Variants in XKR9 observed in about 807,000 individuals in gnomAD.
XKR9 encodes XK related 9.
Under a neutral mutation model 32.0 loss-of-function variants are expected in XKR9, and 32 were observed. The observed-to-expected ratio is 1.00, with a 90% CI of 0.76 to 1.34. The LOEUF (loss-of-function observed/expected upper bound fraction) is 1.34, where lower values mean the gene tolerates loss of function less well. XKR9 is among the 40% of genes most tolerant of loss of function. XKR9 has a pLI of 0.00. For synonymous variants in XKR9, 168 were observed against 143.4 expected (o/e 1.17, Z -1.22); for missense variants, 546 against 429.7 (o/e 1.27, Z -2.39).
chr8:70,905,406 C>T, the XKR9 span, among the ~76,000 whole-genome samples: 2 of 152,154 alleles, frequency 1.3e-5, no homozygotes, highest in Non-Finnish European at 2.9e-5. Flanking sequence ...TCCACTTGAT[C>T]AAATTGGCTA....
the XKR9 span, among the ~76,000 whole-genome samples, chr8:70,802,655 C>T: frequency 6.6e-6 from 1 of 152,170 alleles, no homozygotes; most frequent in Non-Finnish European, 1.5e-5. Context: ...CTTAAGGACA[C>T]ATTGTAAGGC....
the XKR9 span, among the ~76,000 whole-genome samples, chr8:70,867,297 AC>A: frequency 6.6e-6 from 1 of 152,080 alleles, no homozygotes. Flanking sequence ...ATTACCTCCC[AC>A]CAGGTCCCTC....
At chr8:70,840,917 A>G in the XKR9 span, among the ~76,000 whole-genome samples, 2 of 152,220 alleles carry the variant, frequency 1.3e-5, no homozygotes, top group Non-Finnish European at 2.9e-5. Flanking sequence ...ATCAAACTGA[A>G]AGATTAAAAG....
the XKR9 span, among the ~76,000 whole-genome samples, chr8:70,809,489 C>G: frequency 0.13 from 19,795 of 152,096 alleles, 1,687 homozygotes; most frequent in African/African-American, 0.24. Context: ...GATGATCATA[C>G]TACTCTGAGG....
the XKR9 span, among the ~76,000 whole-genome samples, chr8:70,811,602 AG>A: frequency 2.0e-5 from 3 of 152,196 alleles, no homozygotes; most frequent in African/African-American, 7.2e-5. Context: ...AAAATGATAA[AG>A]GGGATATTAC....
At chr8:70,887,628 A>C in the XKR9 span, among the ~76,000 whole-genome samples, 4 of 152,116 alleles carry the variant, frequency 2.6e-5, no homozygotes, top group African/African-American at 9.7e-5. Flanking sequence ...TTCTCCTTGA[A>C]GAGGTCCTTC....
In XKR9 at chr8:70,743,569, A is replaced by G. The variant is rs1290408588; in HGVS notation, n.352+36416A>G. 2.6e-5 allele frequency among the ~76,000 whole-genome samples: 4 copies of G among 152,120 alleles called. No individual in the cohort carries two copies. In the East Asian group the frequency reaches 7.7e-4, roughly 29 times the overall value. On this transcript the variant is annotated intron_variant and non_coding_transcript_variant, in intron 2 of 3. Transcript: ENST00000520273. Reference sequence around the variant, plus strand: ...CAGCAGGCAGTAACTTGAACTTTAAACTCTGAACTCTAAACAATCTTTATT... The same window carrying G: ...CAGCAGGCAGTAACTTGAACTTTAAGCTCTGAACTCTAAACAATCTTTATT...
At chr8:70,822,316 G>A in the XKR9 span, among the ~76,000 whole-genome samples, 2 of 151,846 alleles carry the variant, frequency 1.3e-5, no homozygotes, top group Non-Finnish European at 2.9e-5. Flanking sequence ...TAGCTTTAGG[G>A]GTTTAATTAG....
chr8:70,858,497 T>C, the XKR9 span, among the ~76,000 whole-genome samples: 1 of 151,548 alleles, frequency 6.6e-6, no homozygotes, highest in African/African-American at 2.4e-5. Flanking sequence ...TTCACAGAAA[T>C]AGAAAAAAAA....
chr8:70,765,603 T>C (rs1272604944), intron 2 of XKR9, among the ~76,000 whole-genome samples: 1 of 152,130 alleles, frequency 6.6e-6, no homozygotes, highest in African/African-American at 2.4e-5. Context: ...GTGTGGAAGC[T>C]GTTTAATTAC....
At chr8:70,686,204 T>C (rs1425771220) in intron 3 of XKR9, among the ~76,000 whole-genome samples, 2 of 151,374 alleles carry the variant, frequency 1.3e-5, no homozygotes, top group African/African-American at 4.8e-5. Context: ...TCCTCTCCTT[T>C]TTTTACTCTC....
chr8:70,734,220 G>T lies in XKR9; in HGVS notation c.918G>T (p.Trp306Cys). 6.2e-7 allele frequency: 1 copy of T among 1,612,824 alleles called. No homozygotes were observed. The highest frequency in any genetic ancestry group is 8.5e-7 in the Non-Finnish European group (1 of 1,179,422). ...LGTLGILTVFWVCPLTIFNPD... is the reference protein window; with the variant it reads ...LGTLGILTVFCVCPLTIFNPD... ...CTTTGGGGATATTGACTGTATTCTG[G>T]GTTTGCCCCCTCACTATTTTTAATC... is the stretch of plus-strand genomic sequence containing the variant. The change falls in exon 5 of 5, where the codon TGG (tryptophan) becomes TGT (cysteine). Residue 306 changes from tryptophan to cysteine, a missense_variant. Trp to Cys is a radical substitution (Grantham distance 215). Coordinates refer to ENST00000408926, the MANE Select transcript of XKR9 (RefSeq NM_001011720.2).
At chr8:71,062,344 A>G in the XKR9 span, among the ~76,000 whole-genome samples, 5 of 152,188 alleles carry the variant, frequency 3.3e-5, no homozygotes, top group Middle Eastern at 3.2e-3. Context: ...CAAGGTGTCA[A>G]GAGATTGAGT....
downstream of XKR9, among the ~76,000 whole-genome samples, chr8:70,739,657 A>G (rs536133053): frequency 0.016 from 2,440 of 151,452 alleles, 61 homozygotes; most frequent in African/African-American, 0.057. Context: ...TTTTAGGGCA[A>G]GCTTGGTGGT....
the XKR9 span, among the ~76,000 whole-genome samples, chr8:70,809,563 G>A: frequency 1.1e-4 from 16 of 152,140 alleles, no homozygotes; most frequent in Admixed American, 3.9e-4. Context: ...TTAGACAAAT[G>A]GCTAACTAGA....
At chr8:70,971,571 C>G in the XKR9 span, among the ~76,000 whole-genome samples, 1 of 152,148 alleles carries the variant, frequency 6.6e-6, no homozygotes, top group Middle Eastern at 3.4e-3. Flanking sequence ...CTGATGTTCT[C>G]TTCTAGAATC....
the XKR9 span, among the ~76,000 whole-genome samples, chr8:70,903,687 AT>A: frequency 6.6e-6 from 1 of 151,918 alleles, no homozygotes; most frequent in African/African-American, 2.4e-5. Context: ...TAGCTTTTGA[AT>A]TGTGTTTGCT....
intron 3 of XKR9, among the ~76,000 whole-genome samples, chr8:70,685,305 T>G: frequency 1.7e-5 from 2 of 119,936 alleles, no homozygotes; most frequent in African/African-American, 3.4e-5. Context: ...TGAGAACACA[T>G]GGACACAGGA....
chr8:70,897,505 T>G, the XKR9 span, among the ~76,000 whole-genome samples: 3 of 152,190 alleles, frequency 2.0e-5, no homozygotes, highest in Non-Finnish European at 4.4e-5. Context: ...ACCAACAGGG[T>G]ACAAGGGTTC....
Sources: allele counts gnomAD v4.1 joint callset (sites outside exome capture counted in the v4.1 genomes callset), GRCh38; gene constraint gnomAD v4.1.1; transcripts MANE v1.5; gene names NCBI Gene and HGNC (gene_info 2026-07-23, HGNC 2026-07-21).